CCDC7: variants seen among roughly 807,000 people sequenced by gnomAD.
CCDC7 encodes coiled-coil domain containing 7.
In CCDC7, 183 loss-of-function variants were observed where a neutral mutation model predicts 196.9. That is an observed-to-expected ratio of 0.93 (90% CI 0.82 to 1.05). The LOEUF (loss-of-function observed/expected upper bound fraction) is 1.05, where lower values mean the gene tolerates loss of function less well. CCDC7 is among the 50% of genes least tolerant of loss of function. The pLI is 0.00. For missense variants in CCDC7, 1,540 were observed against 1,482.2 expected, an observed-to-expected ratio of 1.04 and a Z score of -0.64; for synonymous variants, 525 against 484.6, an observed-to-expected ratio of 1.08 and a Z score of -1.10.
chr10:32,635,233 T>G (rs570028979), intron 20 of CCDC7, 75 bp downstream of exon 21: 168 of 392,088 alleles, frequency 4.3e-4, no homozygotes, highest in African/African-American at 3.1e-3. Context: ...TTCATGAATA[T>G]ATCTACAACT....
rs568219788 is a variant in CCDC7, at chr10:32,874,674, T to C, written c.4112-1673T>C. On this transcript the variant is annotated intron_variant, in intron 41 of 41. Transcript: ENST00000639629. Reference sequence around the variant, plus strand: ...GTGTGTATGTATATATATATATACATACACACACACACATACACACATATG... The same window carrying C: ...GTGTGTATGTATATATATATATACACACACACACACACATACACACATATG... Among the ~76,000 whole-genome samples, 5 of 149,212 alleles carry C rather than the reference T, an allele frequency of 3.4e-5. No individual in the cohort carries two copies. The South Asian group carries it at 1.1e-3, about 32-fold the overall frequency.
intron 3 of CCDC7, among the ~76,000 whole-genome samples, chr10:32,460,956 G>A (rs980201225): frequency 3.3e-4 from 50 of 152,072 alleles, no homozygotes; most frequent in Non-Finnish European, 7.1e-4. Context: ...TTAGTGTTGC[G>A]GAAGATAAAT....
At chr10:32,638,110 A>G (rs935124905) in intron 20 of CCDC7, among the ~76,000 whole-genome samples, 1 of 152,146 alleles carries the variant, frequency 6.6e-6, no homozygotes, top group Non-Finnish European at 1.5e-5. Context: ...AAGTTGCCTA[A>G]CAGCTTAAAG....
intron 39 of CCDC7, among the ~76,000 whole-genome samples, chr10:32,850,939 C>T (rs1252476369): frequency 6.6e-6 from 1 of 151,998 alleles, no homozygotes; most frequent in Non-Finnish European, 1.5e-5. Context: ...GTAAGGTCAC[C>T]TATTTCACCC....
intron 18 of CCDC7, among the ~76,000 whole-genome samples, chr10:32,626,891 C>T (rs58375193): frequency 0.089 from 13,523 of 151,826 alleles, 863 homozygotes; most frequent in East Asian, 0.33. Context: ...CATTTTCTGG[C>T]GTGTTCCATT....
At chr10:32,874,647 ATGTG>A (rs1385337098) in intron 41 of CCDC7, among the ~76,000 whole-genome samples, 6 of 149,634 alleles carry the variant, frequency 4.0e-5, no homozygotes, top group Non-Finnish European at 7.4e-5. Flanking sequence ...TATTCCATGC[ATGTG>A]TGTATGTATA....
At chr10:32,648,723 G>T (rs2068196255) in intron 20 of CCDC7, among the ~76,000 whole-genome samples, 1 of 152,078 alleles carries the variant, frequency 6.6e-6, no homozygotes, top group Non-Finnish European at 1.5e-5. Context: ...ACTTGAGATG[G>T]TATCTCATTT....
chr10:32,748,839 A>T (rs901372135), intron 28 of CCDC7, among the ~76,000 whole-genome samples: 1 of 152,166 alleles, frequency 6.6e-6, no homozygotes, highest in Non-Finnish European at 1.5e-5. Context: ...AGACCTTGTT[A>T]AGAAGAACAG....
intron 11 of CCDC7, among the ~76,000 whole-genome samples, chr10:32,524,071 CTTTT>C (rs35310138): frequency 7.3e-6 from 1 of 136,802 alleles, no homozygotes; most frequent in Non-Finnish European, 1.6e-5. Context: ...TTCCTTCTGT[CTTTT>C]TTTTTTTTTT....
rs28451324 is a variant in CCDC7, at chr10:32,511,261, C to T, written c.873-6684C>T. 135 of 383,164 alleles carry T rather than the reference C, an allele frequency of 3.5e-4. 9 individuals are homozygous for T. The African/African-American group carries it at 3.8e-3, about 11-fold the overall frequency. The allele number at this position is 383,164 out of a possible 1,614,324, so 23.7% of individuals were successfully genotyped here. On this transcript the variant is annotated intron_variant, in intron 9 of 41. Coordinates refer to ENST00000639629, the Ensembl canonical transcript of CCDC7. ...TGCCACAGAATTATTCTGTGGGGGG[C>T]GGGGGGGGCGGGGAAATGTACTTTT...
chr10:32,624,819 T>C (rs566998598), intron 18 of CCDC7, among the ~76,000 whole-genome samples: 7 of 152,246 alleles, frequency 4.6e-5, no homozygotes, highest in Admixed American at 1.3e-4. Context: ...AAAAAGTCTA[T>C]TTTGGTCATT....
chr10:32,882,831 T>C lies in CCDC7; in HGVS notation c.*2496T>C, dbSNP rs553738076. The C allele has an allele frequency of 7.9e-5, 12 of 152,282 alleles. No individual in the cohort carries two copies. The East Asian group carries it at 2.1e-3, about 27-fold the overall frequency. The allele number at this position is 152,282 out of a possible 1,614,324, so 9.4% of individuals were successfully genotyped here. ...GTCCCTGTAATGCTTTCTGGTGTGA[T>C]GTAAAATCAATTAAACAAAACTTGT... On this transcript the variant is annotated 3_prime_UTR_variant and NMD_transcript_variant, in exon 23 of 23. Transcript: ENST00000375025.
At chr10:32,808,755 A>G (rs1208022909) in intron 30 of CCDC7, among the ~76,000 whole-genome samples, 1 of 152,150 alleles carries the variant, frequency 6.6e-6, no homozygotes, top group Non-Finnish European at 1.5e-5. Context: ...GCCTCACGGC[A>G]GCATCCACTA....
chr10:32,707,682 C>T (rs1291291532), intron 24 of CCDC7, among the ~76,000 whole-genome samples: 1 of 152,136 alleles, frequency 6.6e-6, no homozygotes, highest in Non-Finnish European at 1.5e-5. Context: ...CAATAACAGA[C>T]AAACAGAGAG....
intron 21 of CCDC7, among the ~76,000 whole-genome samples, chr10:32,667,894 A>G (rs568061107): frequency 3.9e-5 from 6 of 152,182 alleles, no homozygotes; most frequent in Admixed American, 2.0e-4. Context: ...AGTTTTTTCC[A>G]ATCCTGTGAA....
intron 18 of CCDC7, among the ~76,000 whole-genome samples, chr10:32,589,006 C>G (rs1441607887): frequency 6.6e-6 from 1 of 152,024 alleles, no homozygotes; most frequent in Non-Finnish European, 1.5e-5. Flanking sequence ...CTTTATGTTA[C>G]AAATAATCCA....
intron 28 of CCDC7, among the ~76,000 whole-genome samples, chr10:32,745,327 T>C (rs2074531844): frequency 1.3e-5 from 2 of 152,206 alleles, no homozygotes; most frequent in African/African-American, 4.8e-5. Context: ...GGATGGGTAA[T>C]TTATAAAGAA....
At chr10:32,528,064 C>G (rs373434985) in intron 11 of CCDC7, among the ~76,000 whole-genome samples, 24 of 152,180 alleles carry the variant, frequency 1.6e-4, no homozygotes, top group African/African-American at 5.3e-4. Context: ...ATTCCTCACT[C>G]TAAGTCCATG....
intron 33 of CCDC7, 54 bp from the exon 35 acceptor site, chr10:32,845,189 G>C (rs2093210143): frequency 4.6e-6 from 5 of 1,096,910 alleles, no homozygotes; most frequent in South Asian, 1.5e-5. Flanking sequence ...CACATACTCA[G>C]ATTTGGTAAT....
Sources: allele counts gnomAD v4.1 joint callset (sites outside exome capture counted in the v4.1 genomes callset), GRCh38; gene constraint gnomAD v4.1.1; transcripts MANE v1.5; gene names NCBI Gene and HGNC (gene_info 2026-07-23, HGNC 2026-07-21).